Variants in CRB1 observed in about 807,000 individuals in gnomAD.
CRB1 encodes the protein protein crumbs homolog 1.
A neutral mutation model predicts 120.0 loss-of-function variants in CRB1; 83 were observed. The observed-to-expected ratio is 0.69, with a 90% CI of 0.58 to 0.83. The LOEUF (loss-of-function observed/expected upper bound fraction) is 0.83. Ranked by LOEUF, CRB1 falls within the 40% of genes least tolerant of loss-of-function variation. CRB1 has a pLI of 0.00. For missense variants in CRB1, 1,699 were observed against 1,687.6 expected, an observed-to-expected ratio of 1.01 and a Z score of -0.12; for synonymous variants, 625 against 612.5, an observed-to-expected ratio of 1.02 and a Z score of -0.30.
At chr1:197,247,974 A>G in the CRB1 span, among the ~76,000 whole-genome samples, 1 of 152,072 alleles carries the variant, frequency 6.6e-6, no homozygotes, top group Non-Finnish European at 1.5e-5. Context: ...ATTAACTAGG[A>G]ATTATAAATG....
At chr1:197,379,302 T>C (rs895652665) in intron 5 of CRB1, among the ~76,000 whole-genome samples, 1 of 152,168 alleles carries the variant, frequency 6.6e-6, no homozygotes, top group Non-Finnish European at 1.5e-5. Context: ...TCTTTTCTTT[T>C]CTTTCCTTTT....
chr1:197,354,853 C>A (rs1660369492), intron 4 of CRB1, among the ~76,000 whole-genome samples: 3 of 11,438 alleles, frequency 2.6e-4, no homozygotes, highest in Non-Finnish European at 1.2e-3. Context: ...CCCCCCCCCC[C>A]CCGCCCACCC....
chr1:197,252,582 A>ATGTGTGTGTGTGTGTGTGTG, the CRB1 span, among the ~76,000 whole-genome samples: 9 of 15,504 alleles, frequency 5.8e-4, 1 homozygote, highest in Non-Finnish European at 1.1e-3. Flanking sequence ...ATATATATAT[A>ATGTGTGTGTGTGTGTGTGTG]TGTGTGTGTG....
chr1:197,421,967 G>C lies in CRB1; in HGVS notation c.2128+11G>C, dbSNP rs763727989. 2 of 1,612,636 alleles carry C rather than the reference G, an allele frequency of 1.2e-6. No homozygotes were observed. Among genetic ancestry groups the C allele is most frequent in the Non-Finnish European group, 1.7e-6 (2 of 1,179,766 alleles). On this transcript the variant is annotated intron_variant, in intron 6 of 11. Coordinates refer to ENST00000367400, the MANE Select transcript of CRB1 (RefSeq NM_201253.3). ...CCAACTGTCTGAGAGGTGAGAGAAA[G>C]CTGAGTGCTATGGCTAGGAGTGCCA... is the stretch of plus-strand genomic sequence containing the variant.
intron 7 of CRB1, chr1:197,428,927 A>G: frequency 6.6e-7 from 1 of 1,505,818 alleles, no homozygotes; most frequent in Non-Finnish European, 8.9e-7. Flanking sequence ...ACTTTTTGTG[A>G]GCAACCTTGT....
the CRB1 span, among the ~76,000 whole-genome samples, chr1:197,234,733 A>G: frequency 6.6e-6 from 1 of 152,240 alleles, no homozygotes; most frequent in Non-Finnish European, 1.5e-5. Context: ...GACAGAAGCT[A>G]TTCATGGTTC....
intron 1 of CRB1, among the ~76,000 whole-genome samples, chr1:197,297,257 G>A (rs1656582936): frequency 1.3e-5 from 2 of 151,868 alleles, no homozygotes; most frequent in Admixed American, 1.3e-4. Flanking sequence ...TTTTCTTCAT[G>A]TTGATTATCT....
chr1:197,296,335 C>G (rs1286174431), intron 1 of CRB1, among the ~76,000 whole-genome samples: 1 of 151,996 alleles, frequency 6.6e-6, no homozygotes, highest in African/African-American at 2.4e-5. Flanking sequence ...ATGGTACTTA[C>G]ACTATTTTAT....
At position 197,325,787 on chromosome 1, in the gene CRB1, G is replaced by A. The variant is rs187130811; in HGVS notation, c.71-2635G>A. Among the ~76,000 whole-genome samples the A allele has an allele frequency of 2.5e-3, 379 of 152,192 alleles. 4 individuals carry two copies. The highest frequency in any genetic ancestry group is 0.014 in the Middle Eastern group (4 of 294). ...CAAATAACTTTATATACATTAGTGA[G>A]GATACAATGAGGAGTGTTTATCTAG... On this transcript the variant is annotated intron_variant, in intron 1 of 11. Coordinates refer to ENST00000367400, the MANE Select transcript of CRB1 (RefSeq NM_201253.3).
the CRB1 span, among the ~76,000 whole-genome samples, chr1:197,253,494 G>GT: frequency 2.0e-5 from 3 of 152,118 alleles, no homozygotes; most frequent in Non-Finnish European, 2.9e-5. Flanking sequence ...AACTCTTGAT[G>GT]TAAGAGATTG....
At chr1:197,353,658 G>A (rs867056047) in intron 4 of CRB1, among the ~76,000 whole-genome samples, 15 of 151,756 alleles carry the variant, frequency 9.9e-5, no homozygotes, top group East Asian at 3.9e-4. Flanking sequence ...AAAATTAGCC[G>A]GGCATGGTGG....
intron 1 of CRB1, among the ~76,000 whole-genome samples, chr1:197,301,845 T>C (rs2125254912): frequency 6.6e-6 from 1 of 152,112 alleles, no homozygotes; most frequent in South Asian, 2.1e-4. Flanking sequence ...ATAGCTGCCA[T>C]CTCATGATCA....
chr1:197,215,848 C>T, the CRB1 span, among the ~76,000 whole-genome samples: 3 of 152,268 alleles, frequency 2.0e-5, no homozygotes, highest in East Asian at 3.9e-4. Context: ...GAACTTTTCC[C>T]ATTAATCCAG....
chr1:197,363,096 C>T (rs7537027), intron 5 of CRB1, among the ~76,000 whole-genome samples: 1 of 149,908 alleles, frequency 6.7e-6, no homozygotes, highest in Non-Finnish European at 1.5e-5. Context: ...CAGTATTTTA[C>T]CACTTCAAGT....
chr1:197,245,384 A>G, the CRB1 span, among the ~76,000 whole-genome samples: 1,300 of 152,136 alleles, frequency 8.5e-3, 18 homozygotes, highest in African/African-American at 0.029. Context: ...GTAGTCCCAG[A>G]TACTCAAGAG....
At chr1:197,346,290 GAA>G (rs201746647) in intron 3 of CRB1, among the ~76,000 whole-genome samples, 2 of 138,188 alleles carry the variant, frequency 1.4e-5, no homozygotes, top group Admixed American at 7.3e-5. Context: ...AATCAGAACT[GAA>G]AAAAAAAAAA....
the CRB1 span, among the ~76,000 whole-genome samples, chr1:197,243,866 G>T: frequency 6.6e-6 from 1 of 152,108 alleles, no homozygotes; most frequent in African/African-American, 2.4e-5. Flanking sequence ...CATGTATTGG[G>T]TGCATATATA....
At chr1:197,211,340 G>A in the CRB1 span, among the ~76,000 whole-genome samples, 2 of 152,094 alleles carry the variant, frequency 1.3e-5, no homozygotes, top group Non-Finnish European at 2.9e-5. Flanking sequence ...TTGAAGAAAT[G>A]TGCTTCCTTA....
At chr1:197,391,903 G>T (rs905252181) in intron 5 of CRB1, among the ~76,000 whole-genome samples, 3 of 152,050 alleles carry the variant, frequency 2.0e-5, no homozygotes, top group African/African-American at 7.2e-5. Context: ...ATCTGAGAGG[G>T]TCCAGGTCTC....
Sources: gnomAD v4.1 joint callset for allele counts (sites outside exome capture counted in the v4.1 genomes callset) on GRCh38, gnomAD v4.1.1 for gene constraint, MANE v1.5 for transcripts, NCBI Gene and HGNC (gene_info 2026-07-23, HGNC 2026-07-21) for gene names.